RAB38: variants seen among roughly 807,000 people sequenced by gnomAD.
The protein encoded by RAB38 is RAB38, member RAS oncogene family.
RAB38 carries 15 observed loss-of-function variants against 18.4 expected under a neutral mutation model. The ratio of observed to expected loss-of-function variants is 0.82; its 90% CI spans 0.55 to 1.26. The LOEUF is 1.26. Among genes scored for constraint, RAB38 ranks in the 50% most tolerant of loss-of-function variants. The probability of loss-of-function intolerance (pLI) is 0.00; values close to 1 mark genes in which losing one functional copy is unlikely to be tolerated. For synonymous variants in RAB38, 101 were observed against 104.4 expected, an observed-to-expected ratio of 0.97 and a Z score of 0.20; for missense variants, 294 against 267.4, an observed-to-expected ratio of 1.10 and a Z score of -0.69.
the RAB38 span, among the ~76,000 whole-genome samples, chr11:87,948,541 A>G: frequency 1.3e-5 from 2 of 151,924 alleles, no homozygotes; most frequent in Admixed American, 6.6e-5. Flanking sequence ...TTTGTCATAG[A>G]TAGCTCTTAT....
the RAB38 span, among the ~76,000 whole-genome samples, chr11:87,904,131 A>G: frequency 2.2e-4 from 33 of 151,766 alleles, no homozygotes; most frequent in African/African-American, 4.3e-4. Context: ...CAGGAGGTAC[A>G]CATGCCAGTT....
At chr11:88,010,708 G>A in the RAB38 span, among the ~76,000 whole-genome samples, 3 of 152,090 alleles carry the variant, frequency 2.0e-5, no homozygotes, top group South Asian at 2.1e-4. Context: ...TAATTCTCAC[G>A]ATAATCCTGC....
At chr11:87,962,750 G>A in the RAB38 span, among the ~76,000 whole-genome samples, 1 of 152,076 alleles carries the variant, frequency 6.6e-6, no homozygotes, top group Non-Finnish European at 1.5e-5. Flanking sequence ...GAGATTTATT[G>A]CACAGCGTGC....
chr11:87,966,580 C>T, the RAB38 span, among the ~76,000 whole-genome samples: 2 of 152,100 alleles, frequency 1.3e-5, no homozygotes, highest in Non-Finnish European at 2.9e-5. Flanking sequence ...TCCTCCCACC[C>T]CATATAGTAA....
chr11:88,140,650 G>A (rs1179894571), intron 2 of RAB38, among the ~76,000 whole-genome samples: 1 of 152,168 alleles, frequency 6.6e-6, no homozygotes, highest in African/African-American at 2.4e-5. Context: ...GGTGCATAAA[G>A]CTAGGAGGCA....
the RAB38 span, among the ~76,000 whole-genome samples, chr11:88,036,772 T>A: frequency 2.0e-5 from 3 of 151,954 alleles, no homozygotes; most frequent in Non-Finnish European, 4.4e-5. Flanking sequence ...TATATTAATA[T>A]ATTTCCTAAT....
intron 2 of RAB38, among the ~76,000 whole-genome samples, chr11:88,130,710 T>G (rs1346595031): frequency 6.6e-6 from 1 of 152,188 alleles, no homozygotes; most frequent in Non-Finnish European, 1.5e-5. Flanking sequence ...TGAAGACTAT[T>G]AATTATTTAA....
At chr11:88,032,671 A>T in the RAB38 span, among the ~76,000 whole-genome samples, 7 of 152,228 alleles carry the variant, frequency 4.6e-5, no homozygotes, top group Non-Finnish European at 2.9e-5. Context: ...TCAAAACCAC[A>T]ATGAGATACC....
the RAB38 span, among the ~76,000 whole-genome samples, chr11:87,899,992 A>C: frequency 0.014 from 2,097 of 151,350 alleles, 46 homozygotes; most frequent in African/African-American, 0.049. Flanking sequence ...TCCATCATTC[A>C]TTCATTCAAC....
chr11:88,069,494 A>G, the RAB38 span, among the ~76,000 whole-genome samples: 2 of 152,330 alleles, frequency 1.3e-5, no homozygotes, highest in Admixed American at 1.3e-4. Context: ...CCACTAGGTG[A>G]AGCCAGCTGG....
the RAB38 span, among the ~76,000 whole-genome samples, chr11:87,873,922 G>GTGTATGTATATATATA: frequency 1.9e-5 from 2 of 103,122 alleles, no homozygotes; most frequent in African/African-American, 7.6e-5. Flanking sequence ...GTGTGTGTGT[G>GTGTATGTATATATATA]TATATATATA....
At chr11:88,141,588 A>G (rs1198843979) in intron 2 of RAB38, among the ~76,000 whole-genome samples, 1 of 152,190 alleles carries the variant, frequency 6.6e-6, no homozygotes, top group Non-Finnish European at 1.5e-5. Flanking sequence ...TTTGGACATT[A>G]CTAAGAAACT....
intron 1 of RAB38, chr11:88,173,858 G>A (rs1943342964): frequency 1.0e-6 from 1 of 985,372 alleles, no homozygotes; most frequent in Non-Finnish European, 1.2e-6. Flanking sequence ...AAAAAGGCCT[G>A]GCAGTTCATG....
At chr11:88,031,157 G>A in the RAB38 span, among the ~76,000 whole-genome samples, 6 of 152,044 alleles carry the variant, frequency 3.9e-5, no homozygotes, top group Non-Finnish European at 5.9e-5. Context: ...ATGCAGAAAA[G>A]GCCTTTGACA....
chr11:88,104,509 C>T, the RAB38 span, among the ~76,000 whole-genome samples: 4 of 152,092 alleles, frequency 2.6e-5, no homozygotes, highest in African/African-American at 9.7e-5. Flanking sequence ...GGCTCAGTCA[C>T]TTTCTAGCTA....
the RAB38 span, among the ~76,000 whole-genome samples, chr11:87,948,003 G>T: frequency 6.6e-6 from 1 of 152,126 alleles, no homozygotes; most frequent in Non-Finnish European, 1.5e-5. Flanking sequence ...CCATTTTCAT[G>T]ATATTGATTC....
At position 88,141,882 on chromosome 11, in the gene RAB38, A is replaced by G. The variant is rs538114071; in HGVS notation, c.483+7793T>C. Reference sequence around the variant, plus strand: ...GTCTGTGTTCCCCTCCTACCTTCCTACCCTCATACATCATATGGCCTCTAC... The same window carrying G: ...GTCTGTGTTCCCCTCCTACCTTCCTGCCCTCATACATCATATGGCCTCTAC... On this transcript the variant is annotated intron_variant, in intron 2 of 2. Transcript: ENST00000243662. 5.3e-4 allele frequency among the ~76,000 whole-genome samples: 80 copies of G among 151,934 alleles called. 1 individual carries two copies. Among genetic ancestry groups the G allele is most frequent in the Admixed American group, 2.0e-3 (30 of 15,256 alleles).
chr11:88,035,746 A>G, the RAB38 span, among the ~76,000 whole-genome samples: 8 of 152,196 alleles, frequency 5.3e-5, no homozygotes, highest in Non-Finnish European at 1.2e-4. Flanking sequence ...ATTTTTGGGG[A>G]CATCCCATTC....
the RAB38 span, among the ~76,000 whole-genome samples, chr11:88,052,958 A>T: frequency 9.1e-6 from 1 of 110,458 alleles, no homozygotes; most frequent in Non-Finnish European, 1.8e-5. Context: ...TATATATATG[A>T]TATATATGAT....
Sources: allele counts gnomAD v4.1 joint callset (sites outside exome capture counted in the v4.1 genomes callset), GRCh38; gene constraint gnomAD v4.1.1; transcripts MANE v1.5; gene names NCBI Gene and HGNC (gene_info 2026-07-23, HGNC 2026-07-21).